Variants in RSPRY1 observed in about 807,000 individuals in gnomAD.
RSPRY1 encodes the protein ring finger and SPRY domain containing 1.
In RSPRY1, 23 loss-of-function variants were observed where a neutral mutation model predicts 73.1. The ratio of observed to expected loss-of-function variants is 0.31; its 90% CI spans 0.23 to 0.45. The LOEUF (loss-of-function observed/expected upper bound fraction) is 0.45, where lower values mean the gene tolerates loss of function less well. Among genes scored for constraint, RSPRY1 ranks in the 20% least tolerant of loss-of-function variants. The pLI is 1.00. For synonymous variants in RSPRY1, 226 were observed against 251.4 expected, an observed-to-expected ratio of 0.90 and a Z score of 0.95; for missense variants, 448 against 698.7, an observed-to-expected ratio of 0.64 and a Z score of 4.05.
chr16:57,200,856 C>T (rs576096735), intron 1 of RSPRY1, among the ~76,000 whole-genome samples: 249 of 131,182 alleles, frequency 1.9e-3, no homozygotes, highest in Middle Eastern at 0.011. Context: ...ACCTCCCGGA[C>T]GGGGCGGCTG....
chr16:57,205,221 A>G, intron 2 of RSPRY1: 1 of 550,978 alleles, frequency 1.8e-6, no homozygotes, highest in Admixed American at 3.1e-5. Flanking sequence ...GGAAATGTCT[A>G]AATGTTTCTG....
intron 1 of RSPRY1, among the ~76,000 whole-genome samples, chr16:57,200,986 A>C (rs1597867326): frequency 2.8e-5 from 1 of 36,350 alleles, no homozygotes; most frequent in African/African-American, 8.8e-5. Context: ...TCCCTCCCGG[A>C]CGGGCGGCTG....
rs996644668 is a variant in RSPRY1, at chr16:57,239,370, G to A, written c.*395G>A. 2 of 152,962 alleles carry A rather than the reference G, an allele frequency of 1.3e-5. No individual in the cohort carries two copies. Among genetic ancestry groups the A allele is most frequent in the African/African-American group, 4.8e-5 (2 of 41,478 alleles). The allele number at this position is 152,962 out of a possible 1,614,324, so 9.5% of individuals were successfully genotyped here. ...TTGGGGCAGAAGTCTTTATGGAGAT[G>A]TAAATGACAGCGTTTCTGGGTTATG... is the stretch of plus-strand genomic sequence containing the variant. On this transcript the variant is annotated 3_prime_UTR_variant, in exon 15 of 15. Coordinates refer to ENST00000394420, the MANE Select transcript of RSPRY1 (RefSeq NM_133368.3).
At chr16:57,208,242 A>G in intron 3 of RSPRY1, 132 bp downstream of exon 3, 1 of 552,228 alleles carries the variant, frequency 1.8e-6, no homozygotes, top group Non-Finnish European at 3.1e-6. Flanking sequence ...TAACAATGAA[A>G]AAAGCCCTTA....
At chr16:57,202,877 A>G (rs1193411887) in intron 1 of RSPRY1, among the ~76,000 whole-genome samples, 2 of 44,896 alleles carry the variant, frequency 4.5e-5, no homozygotes, top group African/African-American at 1.6e-4. Context: ...ATTACATATG[A>G]TTATATATAT....
rs139987771 is a variant in RSPRY1 at position 57,214,921 on chromosome 16, C to T, written c.702+975C>T. The stretch of plus-strand genomic sequence containing the variant: ...GCATGTGTGTGTAGTCCCAGCTACT[C>T]AGGAGGCTGAGGCAGGAATTCACTT... On this transcript the variant is annotated intron_variant, in intron 6 of 14. Transcript: ENST00000394420. Among the ~76,000 whole-genome samples, 1,372 of 152,110 alleles carry T rather than the reference C, an allele frequency of 9.0e-3. 13 individuals carry two copies. Among genetic ancestry groups the T allele is most frequent in the African/African-American group, 0.031 (1,280 of 41,482 alleles).
Position 57,213,958 on chromosome 16 carries a change from A to T in RSPRY1, c.702+12A>T, listed in dbSNP as rs2074893137. On this transcript the variant is annotated intron_variant, in intron 6 of 14. Transcript: ENST00000394420. ...TGCTACAGTGTCTGGTAAGTGAGACATCAAAACTATTTATTCTTAGTCATC... is the reference window on the plus strand; with the variant it reads ...TGCTACAGTGTCTGGTAAGTGAGACTTCAAAACTATTTATTCTTAGTCATC... 4.4e-6 allele frequency: 7 copies of T among 1,575,112 alleles called. No individual in the cohort carries two copies. Among genetic ancestry groups the T allele is most frequent in the Non-Finnish European group, 6.1e-6 (7 of 1,144,366 alleles).
chr16:57,206,567 GT>G (rs1240637276), intron 2 of RSPRY1, among the ~76,000 whole-genome samples: 1 of 151,984 alleles, frequency 6.6e-6, no homozygotes, highest in Non-Finnish European at 1.5e-5. Flanking sequence ...TTTTTGTTTT[GT>G]TTTGTTTTTA....
intron 1 of RSPRY1, among the ~76,000 whole-genome samples, chr16:57,201,923 T>C (rs1460678195): frequency 6.6e-6 from 1 of 152,100 alleles, no homozygotes; most frequent in African/African-American, 2.4e-5. Flanking sequence ...AGTCCAGCTT[T>C]GGCTTGGCAT....
intron 1 of RSPRY1, among the ~76,000 whole-genome samples, chr16:57,189,923 A>G (rs924591097): frequency 6.6e-6 from 1 of 152,076 alleles, no homozygotes; most frequent in Admixed American, 6.5e-5. Flanking sequence ...TGAGAATTGT[A>G]TATGCTTTCC....
intron 4 of RSPRY1, 52 bp downstream of exon 4, chr16:57,209,239 A>G (rs774539531): frequency 2.6e-6 from 3 of 1,150,188 alleles, no homozygotes; most frequent in Admixed American, 3.7e-5. Flanking sequence ...TAAGCACAAG[A>G]TAAATGACCA....
chr16:57,220,519 T>C lies in RSPRY1; in HGVS notation c.902-213T>C, dbSNP rs1434554555. 4 of 313,810 alleles carry C rather than the reference T, an allele frequency of 1.3e-5. No individual in the cohort carries two copies. In the Admixed American group the frequency reaches 1.8e-4, roughly 14 times the overall value. 19.4% of individuals were successfully genotyped at this position (313,810 alleles called of 1,614,324 possible). A position where few individuals can be genotyped will look rare whatever the true frequency, so the allele number is the denominator to read the frequency against. ...TTTATATCCTGCAACTTTACTGAAT[T>C]TGCTTTTTAGTTCTAATAGTTTTTG... On this transcript the variant is annotated intron_variant, in intron 8 of 14. Transcript: ENST00000394420.
Position 57,223,751 on chromosome 16 carries a change from GATAGAGTGAGACTCTGTCT to G in RSPRY1, c.1161+2337_1161+2355del, listed in dbSNP as rs559015176. On this transcript the variant is annotated intron_variant, in intron 10 of 14. Transcript: ENST00000394420. The stretch of plus-strand genomic sequence containing the variant: ...AGTGCCACTGCACTCTAGCCTGGGC[GATAGAGTGAGACTCTGTCT>G]CAAAAATAAATAAATAAATAAATAT... Among the ~76,000 whole-genome samples, 21 of 152,336 alleles carry G rather than the reference GATAGAGTGAGACTCTGTCT, an allele frequency of 1.4e-4. No homozygotes were observed. The South Asian group carries it at 4.1e-3, about 30-fold the overall frequency.
At chr16:57,216,806 C>A (rs1018646570) in intron 7 of RSPRY1, 98 bp from the exon 8 acceptor site, 4 of 1,145,994 alleles carry the variant, frequency 3.5e-6, no homozygotes, top group Non-Finnish European at 5.1e-6. Context: ...GTCTCCAATT[C>A]TTTAATTGCC....
chr16:57,222,251 G>T (rs2075050480), intron 10 of RSPRY1, among the ~76,000 whole-genome samples: 1 of 152,120 alleles, frequency 6.6e-6, no homozygotes, highest in South Asian at 2.1e-4. Flanking sequence ...AGTATGGTGA[G>T]GTTTTCTGAT....
Position 57,208,988 on chromosome 16 carries a change from C to A in RSPRY1, c.404-87C>A, listed in dbSNP as rs1488645552. ...AAAAATCTATAGACCAAAAGTCTTT[C>A]TTTTAATGTGAATTGATCTCGTGTG... On this transcript the variant is annotated intron_variant, in intron 3 of 14. Coordinates refer to ENST00000394420, the MANE Select transcript of RSPRY1 (RefSeq NM_133368.3). 3.1e-5 allele frequency: 27 copies of A among 877,524 alleles called. No homozygotes were observed. In the African/African-American group the frequency reaches 3.6e-4, roughly 12 times the overall value. The allele number at this position is 877,524 out of a possible 1,614,324, so 54.4% of individuals were successfully genotyped here.
intron 4 of RSPRY1, among the ~76,000 whole-genome samples, chr16:57,209,512 C>T (rs941225893): frequency 6.6e-5 from 10 of 151,692 alleles, no homozygotes; most frequent in African/African-American, 2.2e-4. Flanking sequence ...TACAGGCACC[C>T]GCCACCACAC....
At position 57,230,561 on chromosome 16, in the gene RSPRY1, A is replaced by G. The variant is rs1165163551; in HGVS notation, c.1274-150A>G. ...TAAAATATTGGTGTATAGGGGTCAG[A>G]TCAGTTACAGAAGAAACAAAAATTA... is the stretch of plus-strand genomic sequence containing the variant. On this transcript the variant is annotated intron_variant, in intron 11 of 14. Coordinates refer to ENST00000394420, the MANE Select transcript of RSPRY1 (RefSeq NM_133368.3). 1.0e-5 allele frequency: 5 copies of G among 496,950 alleles called. No individual in the cohort carries two copies. The East Asian group carries it at 1.2e-4, about 12-fold the overall frequency. The allele number at this position is 496,950 out of a possible 1,614,324, so 30.8% of individuals were successfully genotyped here.
intron 1 of RSPRY1, among the ~76,000 whole-genome samples, chr16:57,199,586 A>AT (rs1463498054): frequency 1.3e-5 from 2 of 152,240 alleles, no homozygotes; most frequent in Admixed American, 1.3e-4. Context: ...TGGGAAAGGC[A>AT]TGGGCTAGGT....
Sources: gnomAD v4.1 joint callset for allele counts (sites outside exome capture counted in the v4.1 genomes callset) on GRCh38, gnomAD v4.1.1 for gene constraint, MANE v1.5 for transcripts, NCBI Gene and HGNC (gene_info 2026-07-23, HGNC 2026-07-21) for gene names.